The following BSPH1 variants were observed in gnomAD, a reference collection of about 807,000 sequenced individuals.
BSPH1 encodes binder of sperm 1.
Under a neutral mutation model 22.5 loss-of-function variants are expected in BSPH1, and 21 were observed. The observed-to-expected ratio is 0.93, with a 90% CI of 0.66 to 1.35. BSPH1 has a LOEUF of 1.35. Ranked by LOEUF, BSPH1 falls within the 40% of genes most tolerant of loss-of-function variation. The probability of loss-of-function intolerance (pLI) is 0.00; values close to 1 mark genes in which losing one functional copy is unlikely to be tolerated. For missense variants in BSPH1, 141 were observed against 154.2 expected, an observed-to-expected ratio of 0.91 and a Z score of 0.45; for synonymous variants, 42 against 53.6, an observed-to-expected ratio of 0.78 and a Z score of 0.95.
chr19:47,980,110 G>T (rs1969404604), intron 2 of BSPH1, among the ~76,000 whole-genome samples: 1 of 152,058 alleles, frequency 6.6e-6, no homozygotes, highest in Admixed American at 6.6e-5. Context: ...ACCTAAAATA[G>T]TGTTAATGTA....
At chr19:47,982,198 A>C (rs991714278) in intron 1 of BSPH1, among the ~76,000 whole-genome samples, 7 of 152,238 alleles carry the variant, frequency 4.6e-5, no homozygotes, top group Non-Finnish European at 8.8e-5. Flanking sequence ...ACGTATTATA[A>C]TGTAATTAGC....
chr19:47,977,546 G>A, intron 3 of BSPH1, 42 bp from the exon 4 acceptor site: 2 of 1,545,842 alleles, frequency 1.3e-6, no homozygotes, highest in Non-Finnish European at 1.7e-6. Context: ...GGGTGTGTTA[G>A]GAGAGAGGTT....
At chr19:47,978,913 T>C (rs1969393293) in intron 3 of BSPH1, among the ~76,000 whole-genome samples, 1 of 152,270 alleles carries the variant, frequency 6.6e-6, no homozygotes, top group Non-Finnish European at 1.5e-5. Context: ...ACATATTTAG[T>C]AATGACAGAT....
At chr19:47,978,001 G>GATCTATATATATAT (rs1555731510) in intron 3 of BSPH1, among the ~76,000 whole-genome samples, 1 of 110,458 alleles carries the variant, frequency 9.1e-6, no homozygotes, top group Non-Finnish European at 1.9e-5. Flanking sequence ...GTTAATACAG[G>GATCTATATATATAT]ATATATATAT....
At position 47,975,649 on chromosome 19, in the gene BSPH1, ATTTTTTT is replaced by A. The variant is rs199878812; in HGVS notation, c.*2+1054_*2+1060del. Among the ~76,000 whole-genome samples the A allele has an allele frequency of 6.5e-3, 814 of 124,930 alleles. 3 individuals carry two copies. The highest frequency in any genetic ancestry group is 0.02 in the African/African-American group (681 of 33,708). The allele number at this position is 124,930 out of a possible 152,430, so 82.0% of individuals were successfully genotyped here. Reference sequence around the variant, plus strand: ...GAAATATTCTTTATTAAGGTAATGCATTTTTTTTTTTTTTTTTTTTTTTTGAGACGGA... The same window carrying A: ...GAAATATTCTTTATTAAGGTAATGCATTTTTTTTTTTTTTTTTGAGACGGA... On this transcript the variant is annotated intron_variant, in intron 5 of 5. Coordinates refer to ENST00000344839, the MANE Select transcript of BSPH1 (RefSeq NM_001128326.2).
At chr19:47,972,575 C>T (rs1600083699) in intron 5 of BSPH1, among the ~76,000 whole-genome samples, 3 of 152,030 alleles carry the variant, frequency 2.0e-5, no homozygotes, top group South Asian at 2.1e-4. Context: ...TTGCTTATAA[C>T]CTTGATATAG....
intron 5 of BSPH1, among the ~76,000 whole-genome samples, chr19:47,973,231 A>AATAATG (rs1198450551): frequency 8.6e-6 from 1 of 115,642 alleles, no homozygotes; most frequent in African/African-American, 3.5e-5. Context: ...TAATAATAAT[A>AATAATG]ATAATAATAA....
chr19:47,991,200 G>A (rs972662946), intron 1 of BSPH1, among the ~76,000 whole-genome samples: 7 of 151,856 alleles, frequency 4.6e-5, no homozygotes, highest in Non-Finnish European at 7.4e-5. Flanking sequence ...ATACAGCGCC[G>A]ACCACACCAC....
chr19:47,986,266 T>G (rs914861984), intron 1 of BSPH1, among the ~76,000 whole-genome samples: 1 of 152,102 alleles, frequency 6.6e-6, no homozygotes, highest in Non-Finnish European at 1.5e-5. Flanking sequence ...CAGCACAAGA[T>G]AGAAGACAAA....
At chr19:47,984,151 G>GAAA (rs66621103) in intron 1 of BSPH1, among the ~76,000 whole-genome samples, 5 of 138,658 alleles carry the variant, frequency 3.6e-5, no homozygotes, top group African/African-American at 7.8e-5. Context: ...CTGGCTTGAA[G>GAAA]AAAAAAAAAA....
intron 5 of BSPH1, among the ~76,000 whole-genome samples, chr19:47,968,740 T>G (rs376086989): frequency 7.2e-6 from 1 of 138,556 alleles, no homozygotes; most frequent in African/African-American, 2.7e-5. Context: ...GGCTCATGCC[T>G]ATAATCCCAG....
At chr19:47,987,311 G>A (rs901799275) in intron 1 of BSPH1, among the ~76,000 whole-genome samples, 5 of 152,022 alleles carry the variant, frequency 3.3e-5, no homozygotes, top group Admixed American at 1.3e-4. Context: ...CCCCGTCCTC[G>A]GAATGTCCCT....
At chr19:47,991,982 T>G in intron 1 of BSPH1, 27 bp downstream of exon 1, 2 of 1,431,996 alleles carry the variant, frequency 1.4e-6, no homozygotes, top group Non-Finnish European at 1.9e-6. Context: ...CTACCTTGCA[T>G]AGGAAGAAAT....
intron 1 of BSPH1, among the ~76,000 whole-genome samples, chr19:47,982,826 T>C (rs1969431850): frequency 6.6e-6 from 1 of 152,144 alleles, no homozygotes; most frequent in Non-Finnish European, 1.5e-5. Flanking sequence ...ACTTTGAAAA[T>C]ACTAGGTTAA....
At chr19:47,973,485 T>C (rs927623471) in intron 5 of BSPH1, among the ~76,000 whole-genome samples, 1 of 152,134 alleles carries the variant, frequency 6.6e-6, no homozygotes, top group African/African-American at 2.4e-5. Flanking sequence ...CACAAACACA[T>C]ACACTTTTCA....
chr19:47,989,650 C>A (rs1351369618), intron 1 of BSPH1, among the ~76,000 whole-genome samples: 1 of 152,094 alleles, frequency 6.6e-6, no homozygotes, highest in Non-Finnish European at 1.5e-5. Context: ...CCTATGGCCT[C>A]CAGCAAGACT....
chr19:47,984,299 T>G (rs972383063), intron 1 of BSPH1, among the ~76,000 whole-genome samples: 1 of 150,908 alleles, frequency 6.6e-6, no homozygotes, highest in African/African-American at 2.4e-5. Context: ...GAATTAGTCT[T>G]AGAATACTTA....
At chr19:47,969,495 T>C (rs955700935) in intron 5 of BSPH1, among the ~76,000 whole-genome samples, 3 of 152,140 alleles carry the variant, frequency 2.0e-5, no homozygotes, top group African/African-American at 7.2e-5. Context: ...TTTATAAGAT[T>C]CCTGTGTCAT....
rs55862094 is a variant in BSPH1 at position 47,978,165 on chromosome 19, C to A, written c.125-661G>T. On this transcript the variant is annotated intron_variant, in intron 3 of 5. Coordinates refer to ENST00000344839, the MANE Select transcript of BSPH1 (RefSeq NM_001128326.2). The stretch of plus-strand genomic sequence containing the variant: ...TCTTAAAGTGATTGTGTAGCCCTAA[C>A]TTCTTCATGGTTCACTGCAGCCTTA... Among the ~76,000 whole-genome samples the A allele has an allele frequency of 6.8e-3, 1,033 of 152,022 alleles. 8 individuals are homozygous for A. The highest frequency in any genetic ancestry group is 0.011 in the Non-Finnish European group (764 of 67,984).
Sources: gnomAD v4.1 joint callset for allele counts (sites outside exome capture counted in the v4.1 genomes callset) on GRCh38, gnomAD v4.1.1 for gene constraint, MANE v1.5 for transcripts, NCBI Gene and HGNC (gene_info 2026-07-23, HGNC 2026-07-21) for gene names.